Variants in CACNA1B observed in about 807,000 individuals in gnomAD.
CACNA1B encodes calcium voltage-gated channel subunit alpha1 B.
In CACNA1B, 70 loss-of-function variants were observed where a neutral mutation model predicts 247.2. The ratio of observed to expected loss-of-function variants is 0.28; its 90% CI spans 0.23 to 0.35. The LOEUF is 0.35. CACNA1B is among the 10% of genes least tolerant of loss of function. CACNA1B has a pLI of 1.00. For missense variants in CACNA1B, 2,367 were observed against 3,197.4 expected (o/e 0.74, Z 6.26); for synonymous variants, 1,231 against 1,294.4 (o/e 0.95, Z 1.05).
intron 3 of CACNA1B, among the ~76,000 whole-genome samples, chr9:137,901,446 C>T (rs1388265128): frequency 1.4e-4 from 22 of 152,186 alleles, no homozygotes; most frequent in Admixed American, 1.4e-3. Flanking sequence ...CTGCCTCAGC[C>T]TCCTAAGTAG....
Position 138,073,985 on chromosome 9 carries a change from G to T in CACNA1B, c.4792-16G>T. The stretch of plus-strand genomic sequence containing the variant: ...GCTGGGAGGTGCCTGTAGCTGACCG[G>T]CCCCTGTCTCCGCAGGCCCTGCCCT... On this transcript the variant is annotated splice_polypyrimidine_tract_variant and intron_variant, in intron 33 of 46. Coordinates refer to ENST00000371372, the MANE Select transcript of CACNA1B (RefSeq NM_000718.4). The surrounding 1 kb of genome is among the most constrained non-coding windows in gnomAD (Gnocchi z 6.4). The T allele has an allele frequency of 6.2e-7, 1 of 1,608,614 alleles. No homozygotes were observed.
At position 137,882,690 on chromosome 9, in the gene CACNA1B, C is replaced by G; in HGVS notation, c.391-54C>G. ...GGGGTCCTCACCAACCGTCTCTGCC[C>G]GCTACTACACCGGGTAGGGGCCAGG... On this transcript the variant is annotated intron_variant, in intron 2 of 46. Coordinates refer to ENST00000371372, the MANE Select transcript of CACNA1B (RefSeq NM_000718.4). This position sits in a 1 kb window ranked among gnomAD's most constrained non-coding sequence, Gnocchi z 4.0. The G allele has an allele frequency of 6.2e-7, 1 of 1,606,062 alleles. No homozygotes were observed. The highest frequency in any genetic ancestry group is 1.1e-5 in the South Asian group (1 of 90,660).
At chr9:138,065,970 T>C (rs1191041572) in intron 31 of CACNA1B, among the ~76,000 whole-genome samples, 1 of 152,080 alleles carries the variant, frequency 6.6e-6, no homozygotes, top group East Asian at 1.9e-4. Context: ...AGTGAGCCAC[T>C]CCCCAAGGTC....
intron 25 of CACNA1B, among the ~76,000 whole-genome samples, chr9:138,053,584 C>T (rs375329622): frequency 7.0e-6 from 1 of 143,848 alleles, no homozygotes; most frequent in East Asian, 1.9e-4. Context: ...CTCCACTCCT[C>T]CCCTCATGGC....
In CACNA1B at chr9:137,954,457, C is replaced by T. The variant is rs567521512; in HGVS notation, c.1071-1241C>T. Among the ~76,000 whole-genome samples the T allele has an allele frequency of 2.9e-4, 44 of 152,314 alleles. No homozygotes were observed. The highest frequency in any genetic ancestry group is 8.3e-4 in the South Asian group (4 of 4,826). ...GCTCAGGGAGGGCTGGCCCTGCTGC[C>T]GGCCACTGCGTGAGAAGCAGCTGCT... On this transcript the variant is annotated intron_variant, in intron 7 of 46. Coordinates refer to ENST00000371372, the MANE Select transcript of CACNA1B (RefSeq NM_000718.4). This position sits in a 1 kb window ranked among gnomAD's most constrained non-coding sequence, Gnocchi z 4.1.
At chr9:138,013,343 T>A in intron 18 of CACNA1B, 108 bp downstream of exon 18, 1 of 756,752 alleles carries the variant, frequency 1.3e-6, no homozygotes, top group Non-Finnish European at 2.1e-6. Context: ...AGAGGGCCTC[T>A]GGCCTTGGCG....
intron 31 of CACNA1B, among the ~76,000 whole-genome samples, chr9:138,063,114 G>A (rs1201433754): frequency 6.6e-6 from 1 of 152,236 alleles, no homozygotes; most frequent in African/African-American, 2.4e-5. Flanking sequence ...CATCATCAGT[G>A]TGGTGGACCA....
intron 39 of CACNA1B, among the ~76,000 whole-genome samples, chr9:138,107,516 T>C (rs1456373217): frequency 6.6e-6 from 1 of 152,152 alleles, no homozygotes; most frequent in Non-Finnish European, 1.5e-5. Context: ...TTCTCTTTCA[T>C]ATTTTCTTGA....
At position 137,986,686 on chromosome 9, in the gene CACNA1B, G is replaced by C; in HGVS notation, c.1902-96G>C. ...AGGGGCCAGTGTGCAGCCATCTGCA[G>C]CCTGAAGCGAGCAGGTTGAGGCCAC... On this transcript the variant is annotated intron_variant, in intron 14 of 46. Transcript: ENST00000371372. The surrounding 1 kb of genome is among the most constrained non-coding windows in gnomAD (Gnocchi z 6.0). 7.1e-7 allele frequency: 1 copy of C among 1,411,724 alleles called. No homozygotes were observed. The highest frequency in any genetic ancestry group is 1.0e-6 in the Non-Finnish European group (1 of 997,370). 87.4% of individuals were successfully genotyped at this position (1,411,724 alleles called of 1,614,324 possible).
At chr9:138,001,991 A>G (rs993037975) in intron 15 of CACNA1B, among the ~76,000 whole-genome samples, 2 of 152,192 alleles carry the variant, frequency 1.3e-5, no homozygotes, top group Non-Finnish European at 2.9e-5. Context: ...TAATTTATGA[A>G]TCAACGCAAT....
In CACNA1B at chr9:137,950,924, A is replaced by G. The variant is rs1334131779; in HGVS notation, c.967-1350A>G. ...TCTGCTCCATCTTCCCAGAAGTGGA[A>G]GTCCTGTTTTTTAAGATGAGAGGAA... On this transcript the variant is annotated intron_variant, in intron 6 of 46. Transcript: ENST00000371372. This position sits in a 1 kb window ranked among gnomAD's most constrained non-coding sequence, Gnocchi z 4.8. Among the ~76,000 whole-genome samples, 2 of 152,210 alleles carry G rather than the reference A, an allele frequency of 1.3e-5. No individual in the cohort carries two copies. Among genetic ancestry groups the G allele is most frequent in the Admixed American group, 1.3e-4 (2 of 15,276 alleles).
intron 31 of CACNA1B, among the ~76,000 whole-genome samples, chr9:138,067,902 C>T (rs577295411): frequency 2.6e-5 from 4 of 152,270 alleles, no homozygotes; most frequent in African/African-American, 9.6e-5. Context: ...AGCGTTCTGC[C>T]GACCAAACAG....
chr9:138,113,799 G>C (rs1564293549), intron 40 of CACNA1B, among the ~76,000 whole-genome samples: 3 of 142,272 alleles, frequency 2.1e-5, no homozygotes, highest in African/African-American at 8.1e-5. Flanking sequence ...ACTCCATCTT[G>C]TGGGAGACGT....
Position 138,058,801 on chromosome 9 carries a change from G to T in CACNA1B, c.4473+68G>T. 7.2e-7 allele frequency: 1 copy of T among 1,395,568 alleles called. No homozygotes were observed. 86.4% of individuals were successfully genotyped at this position (1,395,568 alleles called of 1,614,324 possible). ...GATTGGGATCTAACCCTGAGGCTGA[G>T]TGGAGAGTCAGCCTTCTTCCTCCCT... is the stretch of plus-strand genomic sequence containing the variant. On this transcript the variant is annotated intron_variant, in intron 29 of 46. Transcript: ENST00000371372. The surrounding 1 kb of genome is among the most constrained non-coding windows in gnomAD (Gnocchi z 4.7).
intron 12 of CACNA1B, among the ~76,000 whole-genome samples, chr9:137,978,291 C>G (rs571667976): frequency 7.9e-4 from 113 of 142,248 alleles, no homozygotes; most frequent in African/African-American, 2.9e-3. Context: ...CAGGTGGGAG[C>G]ACTGCCCCCC....
Position 137,879,072 on chromosome 9 carries a change from C to T in CACNA1B, c.303C>T (p.Ile101=). 1.9e-6 allele frequency: 3 copies of T among 1,611,274 alleles called. No individual in the cohort carries two copies. The Admixed American group carries it at 5.0e-5, about 27-fold the overall frequency. ...CACGCACTCCATTCGAGTATATGAT[C>T]CTGGCCACCATCATCGCCAACTGCA... ...ITEWPPFEYM[I]LATIIANCIV... Residue 101 remains isoleucine (I), a synonymous_variant, in exon 2 of 47, where the codon ATC becomes ATT. Coordinates refer to ENST00000371372, the MANE Select transcript of CACNA1B (RefSeq NM_000718.4).
At chr9:138,086,155 T>G (rs187224241) in intron 36 of CACNA1B, among the ~76,000 whole-genome samples, 1 of 151,286 alleles carries the variant, frequency 6.6e-6, no homozygotes, top group Admixed American at 6.6e-5. Context: ...TAAATGTAAA[T>G]GGATTAAATT....
Position 137,957,623 on chromosome 9 carries a change from G to C in CACNA1B, c.1269G>C (p.Lys423Asn). 6.2e-7 allele frequency: 1 copy of C among 1,601,548 alleles called. No homozygotes were observed. Among genetic ancestry groups the C allele is most frequent in the Non-Finnish European group, 8.5e-7 (1 of 1,174,446 alleles). Residue 423 changes from lysine to asparagine, a missense_variant, in exon 10 of 47, where the codon AAG becomes AAC. This residue lies in a region of CACNA1B where 219 missense variants were observed against 297.6 expected (regional missense o/e 0.74). Coordinates refer to ENST00000371372, the MANE Select transcript of CACNA1B (RefSeq NM_000718.4). This position sits in a 1 kb window ranked among gnomAD's most constrained non-coding sequence, Gnocchi z 4.7. The stretch of plus-strand genomic sequence containing the variant: ...TGCTGAAGAGAGCGGCCACCAAGAA[G>C]AGCAGAAATGACCTGATCCACGCAG... Reference protein sequence around the residue: ...LDVLKRAATKKSRNDLIHAEE... With the variant: ...LDVLKRAATKNSRNDLIHAEE...
At chr9:137,970,339 C>T (rs909420058) in intron 10 of CACNA1B, among the ~76,000 whole-genome samples, 8 of 152,202 alleles carry the variant, frequency 5.3e-5, no homozygotes, top group African/African-American at 1.9e-4. Context: ...AACCCTTACA[C>T]AGGCAGATGT....
Sources: gnomAD v4.1 joint callset for allele counts (sites outside exome capture counted in the v4.1 genomes callset) on GRCh38, gnomAD v4.1.1 for gene constraint, gnomAD v4.1.1 regional missense constraint, Gnocchi (gnomAD v3.1) non-coding constraint, MANE v1.5 for transcripts, NCBI Gene and HGNC (gene_info 2026-07-23, HGNC 2026-07-21) for gene names.